LMF1: variants seen among roughly 807,000 people sequenced by gnomAD.
The protein encoded by LMF1 is transmembrane protein 112.
In LMF1, 68 loss-of-function variants were observed where a neutral mutation model predicts 60.6. The ratio of observed to expected loss-of-function variants is 1.12; its 90% CI spans 0.92 to 1.37. The LOEUF is 1.37. Among genes scored for constraint, LMF1 ranks in the 40% most tolerant of loss-of-function variants. The probability of loss-of-function intolerance (pLI) is 0.00; values close to 1 mark genes in which losing one functional copy is unlikely to be tolerated. For synonymous variants in LMF1, 418 were observed against 324.7 expected, an observed-to-expected ratio of 1.29 and a Z score of -3.09; for missense variants, 948 against 767.2, an observed-to-expected ratio of 1.24 and a Z score of -2.78.
intron 10 of LMF1, among the ~76,000 whole-genome samples, chr16:860,212 G>GT (rs949103093): frequency 2.6e-3 from 2 of 774 alleles, no homozygotes; most frequent in African/African-American, 0.011. Context: ...TCTCTTAACA[G>GT]GTCTTTTTAT....
At chr16:974,939 T>G (rs1456934247), upstream of LMF1, among the ~76,000 whole-genome samples, 3 of 152,214 alleles carry the variant, frequency 2.0e-5, no homozygotes, top group African/African-American at 4.8e-5. Context: ...CCAGGACCCG[T>G]GGATGCTAAC....
At chr16:957,268 G>A (rs4984617) in intron 1 of LMF1, among the ~76,000 whole-genome samples, 74,729 of 152,066 alleles carry the variant, frequency 0.49, 20,435 homozygotes, top group African/African-American at 0.74. Context: ...CTGCGTGTAG[G>A]AATCTGGCTT....
intron 6 of LMF1, chr16:873,120 G>T (rs528416002): frequency 4.6e-5 from 7 of 152,320 alleles, no homozygotes; most frequent in African/African-American, 1.7e-4. Context: ...GCTGCGCCCC[G>T]TTCAGCTGCT....
At chr16:909,339 G>A (rs913414277) in intron 4 of LMF1, among the ~76,000 whole-genome samples, 3 of 152,132 alleles carry the variant, frequency 2.0e-5, no homozygotes, top group Non-Finnish European at 4.4e-5. Flanking sequence ...GCCCAGACAT[G>A]GACGTTACGA....
chr16:855,693 G>A (rs748210943), intron 10 of LMF1: 42 of 455,794 alleles, frequency 9.2e-5, no homozygotes, highest in East Asian at 1.4e-4. Context: ...CCAGCTGCCC[G>A]GTGGGTGTGA....
chr16:953,183 C>A (rs1218116415), intron 2 of LMF1, among the ~76,000 whole-genome samples: 1 of 81,710 alleles, frequency 1.2e-5, no homozygotes, highest in Non-Finnish European at 2.5e-5. Context: ...ACAGACACCC[C>A]AAACCAGCCT....
rs2069139651 is a variant in LMF1 at position 854,658 on chromosome 16, G to A, written c.1578C>T (p.Gly526=). The A allele has an allele frequency of 1.9e-6, 3 of 1,604,978 alleles. No individual in the cohort carries two copies. Among genetic ancestry groups the A allele is most frequent in the South Asian group, 1.1e-5 (1 of 90,076 alleles). The change falls in exon 11 of 11, where the codon GGC becomes GGT. Residue 526 remains glycine (G), a synonymous_variant. Coordinates refer to ENST00000262301, the MANE Select transcript of LMF1 (RefSeq NM_022773.4). ...ACCACTTGCCCTCGGCGGCGTGCCT[G>A]CCCCCAGGACGGCTGAACTTGTACC... The part of the protein sequence containing the change: ...HYRYKFSRPG[G]RHAAEGKWWV...
intron 10 of LMF1, among the ~76,000 whole-genome samples, chr16:862,407 G>A (rs1339357266): frequency 2.0e-5 from 3 of 152,112 alleles, no homozygotes; most frequent in Admixed American, 6.6e-5. Flanking sequence ...GCCTCCCAAA[G>A]TGTTGGGATT....
intron 9 of LMF1, chr16:869,627 C>T (rs759582778): frequency 1.0e-4 from 66 of 656,266 alleles, no homozygotes; most frequent in African/African-American, 8.0e-4. Context: ...CTATGGCACC[C>T]GGGCTGGGAT....
chr16:929,622 G>A (rs955649495), intron 3 of LMF1, among the ~76,000 whole-genome samples: 1 of 152,362 alleles, frequency 6.6e-6, no homozygotes, highest in East Asian at 1.9e-4. Context: ...GCTGCAGGGC[G>A]GCAGGAAGCG....
At position 910,983 on chromosome 16, in the gene LMF1, C is replaced by T. The variant is rs756241120; in HGVS notation, c.611G>A (p.Arg204Gln). ...SRLPQHTPTS[R>Q]IVLWGFRWLI... ...CCACCGGAAGCCCCACAGGACAATC[C>T]GGGATGTGGGGGTATGCTGGGGCAG... is the stretch of plus-strand genomic sequence containing the variant. Residue 204 changes from arginine (R) to glutamine (Q), a missense_variant, in exon 4 of 11, where the codon CGG (arginine) becomes CAG (glutamine). Coordinates refer to ENST00000262301, the MANE Select transcript of LMF1 (RefSeq NM_022773.4). 130 of 1,613,060 alleles carry T rather than the reference C, an allele frequency of 8.1e-5. 2 individuals carry two copies. In the South Asian group the frequency reaches 1.1e-3, roughly 13 times the overall value.
chr16:948,721 C>CAGAGCCAACGACAGAGTCAG (rs201158220), intron 2 of LMF1, among the ~76,000 whole-genome samples: 14 of 50,450 alleles, frequency 2.8e-4, no homozygotes, highest in African/African-American at 2.4e-3. Flanking sequence ...ACGACAGAGT[C>CAGAGCCAACGACAGAGTCAG]AGCCAATGAC....
chr16:970,073 C>A (rs896178159), intron 1 of LMF1, among the ~76,000 whole-genome samples: 15 of 152,232 alleles, frequency 9.9e-5, no homozygotes, highest in Non-Finnish European at 1.9e-4. Flanking sequence ...CAGTGAGGCG[C>A]AGGCTTCACT....
intron 1 of LMF1, among the ~76,000 whole-genome samples, chr16:956,844 C>CA (rs34529324): frequency 5.3e-4 from 63 of 119,476 alleles, no homozygotes; most frequent in East Asian, 1.3e-3. Flanking sequence ...AACTCCATCT[C>CA]AAAAAAAAAA....
chr16:914,646 T>TC (rs71391148), intron 3 of LMF1, among the ~76,000 whole-genome samples: 317 of 67,454 alleles, frequency 4.7e-3, no homozygotes, highest in African/African-American at 0.011. Flanking sequence ...ACTCCCTCCC[T>TC]CCTCATGACC....
At position 949,895 on chromosome 16, in the gene LMF1, G is replaced by C. The variant is rs1210549979; in HGVS notation, c.503+4462C>G. Reference sequence around the variant, plus strand: ...AGCGTCAGCCAACGACAGAATCAGAGACAACGACAGAGTCAGCCAACGACA... The same window carrying C: ...AGCGTCAGCCAACGACAGAATCAGACACAACGACAGAGTCAGCCAACGACA... On this transcript the variant is annotated intron_variant, in intron 2 of 10. Transcript: ENST00000262301. Among the ~76,000 whole-genome samples the C allele has an allele frequency of 2.8e-5, 3 of 107,164 alleles. 1 individual carries two copies. The East Asian group carries it at 8.0e-4, about 28-fold the overall frequency. The allele number at this position is 107,164 out of a possible 152,430, so 70.3% of individuals were successfully genotyped here.
At chr16:974,989 G>C (rs1012349571), upstream of LMF1, among the ~76,000 whole-genome samples, 6 of 152,220 alleles carry the variant, frequency 3.9e-5, no homozygotes, top group African/African-American at 1.4e-4. Context: ...AGTTTGGGCA[G>C]ATCCTGCTGT....
intron 3 of LMF1, among the ~76,000 whole-genome samples, chr16:932,373 G>T (rs2071814282): frequency 6.6e-6 from 1 of 152,188 alleles, no homozygotes. Flanking sequence ...CCCCGAGCCT[G>T]CCCCGGCCTG....
intron 10 of LMF1, among the ~76,000 whole-genome samples, chr16:856,908 AG>A (rs2069200482): frequency 6.6e-6 from 1 of 152,264 alleles, no homozygotes. Flanking sequence ...CCTGACACTG[AG>A]GCCACAGACA....
Sources: allele counts gnomAD v4.1 joint callset (sites outside exome capture counted in the v4.1 genomes callset), GRCh38; gene constraint gnomAD v4.1.1; transcripts MANE v1.5; gene names NCBI Gene and HGNC (gene_info 2026-07-23, HGNC 2026-07-21).